The following CES5A variants were observed in gnomAD, a reference collection of about 807,000 sequenced individuals.
The protein encoded by CES5A is carboxylesterase 5.
CES5A carries 67 observed loss-of-function variants against 62.9 expected under a neutral mutation model. The ratio of observed to expected loss-of-function variants is 1.07; its 90% CI spans 0.88 to 1.31. The LOEUF (loss-of-function observed/expected upper bound fraction) is 1.31. Ranked by LOEUF, CES5A falls within the 50% of genes most tolerant of loss-of-function variation. The pLI is 0.00. For synonymous variants in CES5A, 296 were observed against 280.8 expected (o/e 1.05, Z -0.54); for missense variants, 748 against 708.5 (o/e 1.06, Z -0.63).
At chr16:55,870,197 A>G (rs778337365) in intron 3 of CES5A, among the ~76,000 whole-genome samples, 1 of 152,140 alleles carries the variant, frequency 6.6e-6, no homozygotes, top group African/African-American at 2.4e-5. Context: ...CATGTATAAG[A>G]GCAAAAGCAG....
At position 55,920,332 on chromosome 16, in the gene CES5A, T is replaced by G. The variant is rs569836036; in HGVS notation, c.-256+4991A>C. On this transcript the variant is annotated intron_variant, in intron 1 of 12. Coordinates refer to the CES5A transcript ENST00000518005. ...GGGTTCTCTGACAGGAGACCTCTCC[T>G]TACCTTAACTCACAGAAAGCATCAC... 2.0e-5 allele frequency among the ~76,000 whole-genome samples: 3 copies of G among 152,330 alleles called. No individual in the cohort carries two copies. In the East Asian group the frequency reaches 5.8e-4, roughly 29 times the overall value.
chr16:55,909,930 G>A lies in CES5A; in HGVS notation c.-256+15393C>T, dbSNP rs529544279. On this transcript the variant is annotated intron_variant, in intron 1 of 12. Coordinates refer to the CES5A transcript ENST00000518005. ...GGTGTGAGTGCTTACTGTCTGCTGAGCCTGTTAGACACATTGCCTGCATGA... is the reference window on the plus strand; with the variant it reads ...GGTGTGAGTGCTTACTGTCTGCTGAACCTGTTAGACACATTGCCTGCATGA... 2.6e-5 allele frequency among the ~76,000 whole-genome samples: 4 copies of A among 152,288 alleles called. No homozygotes were observed. In the South Asian group the frequency reaches 6.2e-4, roughly 24 times the overall value.
At chr16:55,876,336 T>A (rs1489486620), upstream of CES5A, among the ~76,000 whole-genome samples, 1 of 152,118 alleles carries the variant, frequency 6.6e-6, no homozygotes, top group Non-Finnish European at 1.5e-5. Flanking sequence ...AGAAAGAGCT[T>A]TTGGGAAGAG....
At chr16:55,848,822 G>A (rs1484090694) in intron 11 of CES5A, among the ~76,000 whole-genome samples, 4 of 152,136 alleles carry the variant, frequency 2.6e-5, no homozygotes, top group Non-Finnish European at 4.4e-5. Flanking sequence ...TAACAGTGAC[G>A]TTTATTAGGT....
intron 9 of CES5A, among the ~76,000 whole-genome samples, chr16:55,854,544 C>CTTTTTTTTTCTT (rs2033200804): frequency 4.7e-5 from 3 of 64,418 alleles, no homozygotes; most frequent in Non-Finnish European, 5.2e-5. Flanking sequence ...TTTTTTTTTT[C>CTTTTTTTTTCTT]TTTTTTTTTT....
At chr16:55,905,070 A>T (rs902405602) in intron 1 of CES5A, among the ~76,000 whole-genome samples, 1 of 152,212 alleles carries the variant, frequency 6.6e-6, no homozygotes, top group Non-Finnish European at 1.5e-5. Context: ...GCACATGGCT[A>T]CTTGAGTCTC....
At position 55,912,433 on chromosome 16, in the gene CES5A, A is replaced by G. The variant is rs565957923; in HGVS notation, c.-256+12890T>C. Among the ~76,000 whole-genome samples the G allele has an allele frequency of 2.0e-4, 31 of 152,268 alleles. No homozygotes were observed. In the South Asian group the frequency reaches 6.4e-3, roughly 32 times the overall value. ...GGTGGAAGGGAGCATTCGAGGAAAA[A>G]AACAAAGGCCAGGCACCAAGGGGGT... On this transcript the variant is annotated intron_variant, in intron 1 of 12. Transcript: ENST00000518005.
At chr16:55,872,410 A>C (rs1424172464) in intron 2 of CES5A, among the ~76,000 whole-genome samples, 1 of 152,010 alleles carries the variant, frequency 6.6e-6, no homozygotes, top group Non-Finnish European at 1.5e-5. Context: ...GGAAACACCC[A>C]CCTACTTTGC....
intron 1 of CES5A, among the ~76,000 whole-genome samples, chr16:55,919,605 C>T (rs1187306407): frequency 6.6e-6 from 1 of 152,206 alleles, no homozygotes; most frequent in Non-Finnish European, 1.5e-5. Context: ...CACGTCAAAG[C>T]CACTAGCCAC....
intron 1 of CES5A, among the ~76,000 whole-genome samples, chr16:55,889,136 GA>G (rs78024268): frequency 0.011 from 1,484 of 131,556 alleles, 15 homozygotes; most frequent in Admixed American, 0.023. Flanking sequence ...CTAAGACATA[GA>G]AAAAAAAAAA....
At chr16:55,953,613 A>G (rs558887491) in intron 1 of CES5A, among the ~76,000 whole-genome samples, 1 of 152,206 alleles carries the variant, frequency 6.6e-6, no homozygotes, top group African/African-American at 2.4e-5. Flanking sequence ...GAAGTGGTAT[A>G]AAGAGTTAGG....
intron 1 of CES5A, among the ~76,000 whole-genome samples, chr16:55,886,921 G>A (rs2033821957): frequency 6.6e-6 from 1 of 152,076 alleles, no homozygotes; most frequent in African/African-American, 2.4e-5. Flanking sequence ...TTAAGGATGG[G>A]TCTGTGAACA....
chr16:55,856,345 T>C lies in CES5A; in HGVS notation c.1125+32A>G, dbSNP rs751590084. On this transcript the variant is annotated intron_variant, in intron 9 of 12. Coordinates refer to ENST00000290567, the MANE Select transcript of CES5A (RefSeq NM_001143685.2). The stretch of plus-strand genomic sequence containing the variant: ...GGGCTATCTGTTAAGTGCATGTGTC[T>C]CTGGAGTACTGCAGCCTCCCAAGCT... 17 of 1,606,288 alleles carry C rather than the reference T, an allele frequency of 1.1e-5. No homozygotes were observed. The East Asian group carries it at 3.1e-4, about 29-fold the overall frequency.
intron 1 of CES5A, among the ~76,000 whole-genome samples, chr16:55,901,870 TACAA>T (rs2033993751): frequency 6.6e-6 from 1 of 152,216 alleles, no homozygotes; most frequent in Non-Finnish European, 1.5e-5. Flanking sequence ...TTTCGAGGCT[TACAA>T]TTACATTGCA....
upstream of CES5A, among the ~76,000 whole-genome samples, chr16:55,876,639 A>T (rs3859109): frequency 0.58 from 88,005 of 152,112 alleles, 26,025 homozygotes; most frequent in East Asian, 0.77. Context: ...AAGGATGAAA[A>T]GTGTGCTAAG....
intron 6 of CES5A, among the ~76,000 whole-genome samples, chr16:55,861,938 T>C (rs1370471069): frequency 6.6e-6 from 1 of 152,084 alleles, no homozygotes; most frequent in East Asian, 1.9e-4. Flanking sequence ...GCTCCTTCAT[T>C]GTCAGTACAG....
intron 3 of CES5A, among the ~76,000 whole-genome samples, chr16:55,870,433 C>T (rs1169272689): frequency 6.6e-6 from 1 of 152,184 alleles, no homozygotes; most frequent in African/African-American, 2.4e-5. Context: ...GGCACAGTGG[C>T]TCACGCCTGT....
At chr16:55,915,412 G>A (rs2034138242) in intron 1 of CES5A, among the ~76,000 whole-genome samples, 1 of 152,152 alleles carries the variant, frequency 6.6e-6, no homozygotes, top group Admixed American at 6.5e-5. Flanking sequence ...GTGGAAGGGG[G>A]TGGAGAAGGG....
At chr16:55,849,159 C>A (rs914664405) in intron 11 of CES5A, among the ~76,000 whole-genome samples, 1 of 152,072 alleles carries the variant, frequency 6.6e-6, no homozygotes, top group South Asian at 2.1e-4. Flanking sequence ...AATAAATGAG[C>A]TAACATCACA....
Sources: gnomAD v4.1 joint callset for allele counts (sites outside exome capture counted in the v4.1 genomes callset) on GRCh38, gnomAD v4.1.1 for gene constraint, MANE v1.5 for transcripts, NCBI Gene and HGNC (gene_info 2026-07-23, HGNC 2026-07-21) for gene names.